Variants in CNTN4 observed in about 807,000 individuals in gnomAD.
CNTN4 encodes the protein contactin-4.
A neutral mutation model predicts 122.5 loss-of-function variants in CNTN4; 77 were observed. The observed-to-expected ratio is 0.63, with a 90% CI of 0.52 to 0.76. The LOEUF (loss-of-function observed/expected upper bound fraction) is 0.76. Ranked by LOEUF, CNTN4 falls within the 30% of genes least tolerant of loss-of-function variation. CNTN4 has a pLI of 0.00. For synonymous variants in CNTN4, 512 were observed against 447.0 expected, an observed-to-expected ratio of 1.15 and a Z score of -1.83; for missense variants, 1,256 against 1,259.1, an observed-to-expected ratio of 1.00 and a Z score of 0.04.
chr3:2,457,761 A>T (rs976115334), intron 3 of CNTN4, among the ~76,000 whole-genome samples: 2 of 152,076 alleles, frequency 1.3e-5, no homozygotes, highest in African/African-American at 4.8e-5. Context: ...AGAAATTTCC[A>T]TGTCCCTGTG....
intron 13 of CNTN4, among the ~76,000 whole-genome samples, chr3:2,934,248 C>A (rs1463734064): frequency 6.6e-6 from 1 of 152,196 alleles, no homozygotes; most frequent in Non-Finnish European, 1.5e-5. Flanking sequence ...GTCTGCCTGA[C>A]CCCTGCAGTG....
chr3:2,142,940 T>C (rs2035071312), intron 2 of CNTN4, among the ~76,000 whole-genome samples: 1 of 152,214 alleles, frequency 6.6e-6, no homozygotes, highest in Non-Finnish European at 1.5e-5. Context: ...GTACTTTACT[T>C]CTACTCTCCT....
At chr3:2,205,038 T>A (rs941573077) in intron 2 of CNTN4, among the ~76,000 whole-genome samples, 6 of 152,092 alleles carry the variant, frequency 3.9e-5, no homozygotes. Flanking sequence ...ATAAAATAGT[T>A]ACTTTTTTCA....
At chr3:2,420,381 T>C (rs1224731244) in intron 3 of CNTN4, among the ~76,000 whole-genome samples, 1 of 152,184 alleles carries the variant, frequency 6.6e-6, no homozygotes, top group Non-Finnish European at 1.5e-5. Context: ...CTTTATGTCA[T>C]GTCAGAGTTT....
intron 2 of CNTN4, among the ~76,000 whole-genome samples, chr3:2,287,651 A>G (rs952244587): frequency 6.2e-4 from 14 of 22,580 alleles, no homozygotes; most frequent in African/African-American, 1.3e-3. Flanking sequence ...AAGAAGAAGA[A>G]GAAGAAGAAG....
intron 10 of CNTN4, among the ~76,000 whole-genome samples, chr3:2,888,702 A>G (rs2094005281): frequency 6.6e-6 from 1 of 152,086 alleles, no homozygotes; most frequent in South Asian, 2.1e-4. Context: ...TGTGTATGAA[A>G]TATACATATA....
At chr3:2,273,870 T>C (rs1346535238) in intron 2 of CNTN4, among the ~76,000 whole-genome samples, 1 of 152,218 alleles carries the variant, frequency 6.6e-6, no homozygotes, top group Non-Finnish European at 1.5e-5. Flanking sequence ...TGTATCTTTT[T>C]TTCTTATGAG....
chr3:2,630,995 C>T (rs1226068635), intron 4 of CNTN4, among the ~76,000 whole-genome samples: 2 of 152,132 alleles, frequency 1.3e-5, no homozygotes, highest in Admixed American at 1.3e-4. Flanking sequence ...CTTTCATTCC[C>T]ATGAGATCTC....
chr3:2,553,907 C>G (rs889708925), intron 3 of CNTN4, among the ~76,000 whole-genome samples: 14 of 152,126 alleles, frequency 9.2e-5, no homozygotes, highest in Non-Finnish European at 1.8e-4. Context: ...GTTAGTTTAA[C>G]TGTATGAATT....
chr3:2,442,224 C>T (rs2048466018), intron 3 of CNTN4, among the ~76,000 whole-genome samples: 1 of 152,086 alleles, frequency 6.6e-6, no homozygotes, highest in African/African-American at 2.4e-5. Context: ...TTTCCTTTCC[C>T]TCCTGTTTCT....
intron 3 of CNTN4, among the ~76,000 whole-genome samples, chr3:2,465,613 G>A (rs2075469132): frequency 6.6e-6 from 1 of 152,026 alleles, no homozygotes; most frequent in African/African-American, 2.4e-5. Context: ...GGAGGCAGAG[G>A]TTGCAGTGAG....
chr3:2,121,070 TCCTTCCTCCCTC>T (rs1307559139), intron 2 of CNTN4, among the ~76,000 whole-genome samples: 1 of 145,972 alleles, frequency 6.9e-6, no homozygotes, highest in Non-Finnish European at 1.5e-5. Context: ...TTTAATGACT[TCCTTCCTCCCTC>T]CCTTCCTTCC....
chr3:2,114,096 A>G (rs1326952435), intron 2 of CNTN4, among the ~76,000 whole-genome samples: 1 of 152,156 alleles, frequency 6.6e-6, no homozygotes, highest in Non-Finnish European at 1.5e-5. Context: ...GATGATGGGA[A>G]AGAATTGATA....
rs1366149615 is a variant in CNTN4, at chr3:3,038,889, G to A, written c.2093-44G>A. 3.8e-6 allele frequency: 6 copies of A among 1,570,036 alleles called. No homozygotes were observed. In the Admixed American group the frequency reaches 6.7e-5, roughly 17 times the overall value. On this transcript the variant is annotated intron_variant, in intron 18 of 24. Coordinates refer to ENST00000418658, the MANE Select transcript of CNTN4 (RefSeq NM_175607.3). ...CAGGCAACCTTCCTGGCCCTCATTC[G>A]CCTTTGCCGCCTGACATAACTTGTT... is the stretch of plus-strand genomic sequence containing the variant.
At chr3:2,778,198 A>T (rs1016485272) in intron 6 of CNTN4, among the ~76,000 whole-genome samples, 5 of 139,146 alleles carry the variant, frequency 3.6e-5, no homozygotes, top group African/African-American at 1.4e-4. Context: ...TGGGCGACAG[A>T]GCGAGACTCC....
At chr3:2,925,547 A>G in intron 12 of CNTN4, 82 bp from the exon 13 acceptor site, 1 of 1,475,812 alleles carries the variant, frequency 6.8e-7, no homozygotes, top group Non-Finnish European at 9.4e-7. Context: ...TCTGTCTCAA[A>G]AAAGAAAGAA....
intron 5 of CNTN4, among the ~76,000 whole-genome samples, chr3:2,740,438 T>A (rs1231321651): frequency 6.6e-6 from 1 of 152,096 alleles, no homozygotes; most frequent in Non-Finnish European, 1.5e-5. Flanking sequence ...CTTCAAATGA[T>A]AACATACATG....
At chr3:2,835,755 G>A (rs551990891) in intron 7 of CNTN4, among the ~76,000 whole-genome samples, 163 of 152,192 alleles carry the variant, frequency 1.1e-3, no homozygotes, top group South Asian at 5.0e-3. Flanking sequence ...TACAATTTAT[G>A]AAAAGTATAC....
intron 4 of CNTN4, among the ~76,000 whole-genome samples, chr3:2,628,536 T>C (rs2082295713): frequency 6.6e-6 from 1 of 152,224 alleles, no homozygotes; most frequent in African/African-American, 2.4e-5. Context: ...AAGTGACTAC[T>C]GAGAGAAGAT....
Sources: gnomAD v4.1 joint callset for allele counts (sites outside exome capture counted in the v4.1 genomes callset) on GRCh38, gnomAD v4.1.1 for gene constraint, MANE v1.5 for transcripts, NCBI Gene and HGNC (gene_info 2026-07-23, HGNC 2026-07-21) for gene names.